MOK: variants seen among roughly 807,000 people sequenced by gnomAD.
MOK encodes MAPK/MAK/MRK overlapping kinase.
A neutral mutation model predicts 54.2 loss-of-function variants in MOK; 59 were observed. The observed-to-expected ratio is 1.09, with a 90% CI of 0.88 to 1.35. The LOEUF is 1.35. Ranked by LOEUF, MOK falls within the 40% of genes most tolerant of loss-of-function variation. MOK has a pLI of 0.00. For synonymous variants in MOK, 210 were observed against 202.7 expected, an observed-to-expected ratio of 1.04 and a Z score of -0.31; for missense variants, 517 against 526.2, an observed-to-expected ratio of 0.98 and a Z score of 0.17.
rs944596704 is a variant in MOK, at chr14:102,232,323, C to T, written c.866+212G>A. On this transcript the variant is annotated intron_variant, in intron 9 of 11. Transcript: ENST00000361847. This position sits in a 1 kb window ranked among gnomAD's most constrained non-coding sequence, Gnocchi z 5.1. The stretch of plus-strand genomic sequence containing the variant: ...GACAGCCAGCCCCTCTTTCTCCTGC[C>T]GTGGAGCTGCTAACATCCTCATTTT... 32 of 499,392 alleles carry T rather than the reference C, an allele frequency of 6.4e-5. No homozygotes were observed. In the South Asian group the frequency reaches 8.8e-4, roughly 14 times the overall value. The allele number at this position is 499,392 out of a possible 1,614,324, so 30.9% of individuals were successfully genotyped here. A position where few individuals can be genotyped will look rare whatever the true frequency, so the allele number is the denominator to read the frequency against.
intron 1 of MOK, among the ~76,000 whole-genome samples, chr14:102,289,873 A>G: frequency 6.6e-6 from 1 of 152,206 alleles, no homozygotes; most frequent in Non-Finnish European, 1.5e-5. Flanking sequence ...AAGGAGATTT[A>G]CTGGTCCTTA....
chr14:102,265,233 C>CA (rs1435484719), intron 3 of MOK, among the ~76,000 whole-genome samples: 11 of 152,236 alleles, frequency 7.2e-5, no homozygotes, highest in African/African-American at 2.7e-4. Context: ...AATTCACACT[C>CA]AAGACCTTAG....
At position 102,232,834 on chromosome 14, in the gene MOK, C is replaced by T. The variant is rs917635418; in HGVS notation, c.693-126G>A. ...ATGACTGCAGAGTCTACACCTGTCC[C>T]AGCCCACAGAACGTGCACCACCAAG... is the stretch of plus-strand genomic sequence containing the variant. On this transcript the variant is annotated intron_variant, in intron 8 of 11. Transcript: ENST00000361847. The surrounding 1 kb of genome is among the most constrained non-coding windows in gnomAD (Gnocchi z 5.1). 5 of 782,080 alleles carry T rather than the reference C, an allele frequency of 6.4e-6. No homozygotes were observed. Among genetic ancestry groups the T allele is most frequent in the Non-Finnish European group, 8.0e-6 (4 of 501,882 alleles). 48.4% of individuals were successfully genotyped at this position (782,080 alleles called of 1,614,324 possible).
At chr14:102,219,144 T>A in the MOK span, among the ~76,000 whole-genome samples, 1 of 152,178 alleles carries the variant, frequency 6.6e-6, no homozygotes, top group Non-Finnish European at 1.5e-5. Context: ...GGGGCCTAGG[T>A]GTCTGTTTCT....
rs1186223605 is a variant in MOK at position 102,231,810 on chromosome 14, T to C, written c.878A>G (p.Lys293Arg). 6.2e-7 allele frequency: 1 copy of C among 1,611,266 alleles called. No individual in the cohort carries two copies. ...PYFQEQRKTE[K>R]RALGSHRKAG... ...TTTTCTGTGGCTGCCCAGAGCCCGC[T>C]TCTCTGTTTTCCTACGGGGAAGGAG... is the stretch of plus-strand genomic sequence containing the variant. The change falls in exon 10 of 12, where the codon AAG becomes AGG. Residue 293 changes from lysine (K) to arginine (R), a missense_variant. Lys to Arg is a conservative substitution (Grantham distance 26, BLOSUM62 2). Coordinates refer to ENST00000361847, the MANE Select transcript of MOK (RefSeq NM_014226.3). The surrounding 1 kb of genome is among the most constrained non-coding windows in gnomAD (Gnocchi z 4.4).
At position 102,251,067 on chromosome 14, in the gene MOK, T is replaced by G. The variant is rs375258661; in HGVS notation, c.412-77A>C. 9.5e-5 allele frequency: 140 copies of G among 1,472,592 alleles called. 2 individuals carry two copies. The Middle Eastern group carries it at 1.4e-3, about 15-fold the overall frequency. The allele number at this position is 1,472,592 out of a possible 1,614,324, so 91.2% of individuals were successfully genotyped here. A position where few individuals can be genotyped will look rare whatever the true frequency, so the allele number is the denominator to read the frequency against. On this transcript the variant is annotated intron_variant, in intron 6 of 11. Coordinates refer to ENST00000361847, the MANE Select transcript of MOK (RefSeq NM_014226.3). ...TAATACAAACCACTCCAAATATTTA[T>G]GCACCAGCAGGAAAATTACTAGCAT...
At position 102,255,273 on chromosome 14, in the gene MOK, G is replaced by A. The variant is rs1179228555; in HGVS notation, c.284-3278C>T. Among the ~76,000 whole-genome samples, 4 of 152,230 alleles carry A rather than the reference G, an allele frequency of 2.6e-5. No homozygotes were observed. In the South Asian group the frequency reaches 6.2e-4, roughly 24 times the overall value. The stretch of plus-strand genomic sequence containing the variant: ...GCGGAGCTTGCAGTGAGCTGAGATC[G>A]TGCCACTGTACTCCAGCCTGGGTGA... On this transcript the variant is annotated intron_variant, in intron 4 of 11. Transcript: ENST00000361847.
chr14:102,220,676 T>C (rs2063778047), downstream of MOK, among the ~76,000 whole-genome samples: 2 of 144,482 alleles, frequency 1.4e-5, no homozygotes, highest in Admixed American at 7.3e-5. The surrounding 1 kb of genome is among the most constrained non-coding windows in gnomAD (Gnocchi z 4.2). Context: ...GCCAAGATCG[T>C]GCCACTGCAC....
chr14:102,216,826 A>G, the MOK span, among the ~76,000 whole-genome samples: 1 of 152,194 alleles, frequency 6.6e-6, no homozygotes, highest in South Asian at 2.1e-4. Flanking sequence ...GCTACTCGGA[A>G]GGCTGAGGCA....
chr14:102,214,975 A>C, the MOK span: 2 of 985,232 alleles, frequency 2.0e-6, no homozygotes, highest in African/African-American at 3.5e-5. Context: ...GTATACTGAC[A>C]TTAAATAAAC....
chr14:102,283,552 A>G lies in MOK; in HGVS notation c.48T>C (p.Ser16=), dbSNP rs912008641. Residue 16 remains serine, a synonymous_variant, in exon 2 of 12, where the codon TCT becomes TCC. Transcript: ENST00000361847. The part of the protein sequence containing the change: ...AIGKIGEGTF[S]EVMKMQSLRD... ...TCAGGCTTTGCATCTTCATAACTTC[A>G]GAAAACGTTCCCTCTCCTATTTTGC... is the stretch of plus-strand genomic sequence containing the variant. 1.9e-6 allele frequency: 3 copies of G among 1,613,556 alleles called. No homozygotes were observed. The African/African-American group carries it at 4.0e-5, about 22-fold the overall frequency.
chr14:102,225,511 CT>C (rs916673974), downstream of MOK: 3 of 152,286 alleles, frequency 2.0e-5, no homozygotes, highest in Admixed American at 6.6e-5. Context: ...GTGTCCAAAA[CT>C]TTTGTTGGCC....
intron 4 of MOK, among the ~76,000 whole-genome samples, chr14:102,253,585 C>T (rs1242722331): frequency 2.0e-5 from 3 of 152,182 alleles, no homozygotes; most frequent in Non-Finnish European, 4.4e-5. Context: ...CAGGAGAGGC[C>T]GTTTAGCGTG....
intron 2 of MOK, among the ~76,000 whole-genome samples, chr14:102,271,827 G>A (rs1179585513): frequency 3.9e-5 from 6 of 152,026 alleles, no homozygotes; most frequent in Non-Finnish European, 4.4e-5. Context: ...TCAAAGTGCT[G>A]GGAATACAGG....
chr14:102,261,121 G>T (rs950350660), intron 4 of MOK, among the ~76,000 whole-genome samples: 2 of 151,490 alleles, frequency 1.3e-5, no homozygotes, highest in East Asian at 2.0e-4. Flanking sequence ...GCTGGGCGTG[G>T]TGGCATGCAC....
At chr14:102,221,005 A>C (rs1221955694), downstream of MOK, among the ~76,000 whole-genome samples, 1 of 152,144 alleles carries the variant, frequency 6.6e-6, no homozygotes, top group Non-Finnish European at 1.5e-5. This position sits in a 1 kb window ranked among gnomAD's most constrained non-coding sequence, Gnocchi z 4.8. Flanking sequence ...GGGCTCAAGT[A>C]ATCTCCCCAC....
intron 2 of MOK, among the ~76,000 whole-genome samples, chr14:102,280,180 T>C (rs777376286): frequency 2.2e-4 from 34 of 151,910 alleles, no homozygotes; most frequent in Non-Finnish European, 3.8e-4. Context: ...ATACCAAAAG[T>C]GCCTGGTCCA....
intron 1 of MOK, among the ~76,000 whole-genome samples, chr14:102,286,515 G>A (rs1457937923): frequency 6.6e-6 from 1 of 151,856 alleles, no homozygotes; most frequent in Non-Finnish European, 1.5e-5. Flanking sequence ...GGAGGCTGAA[G>A]TGGGAGAACC....
chr14:102,302,350 G>C lies in MOK; in HGVS notation c.7+2612C>G, dbSNP rs201283336. On this transcript the variant is annotated intron_variant, in intron 1 of 11. Coordinates refer to ENST00000361847, the MANE Select transcript of MOK (RefSeq NM_014226.3). Reference sequence around the variant, plus strand: ...AGCCTCTCAAAGTGCTGGGATTACAGGCGTGAGCCACTGCACCCGGCCCAC... The same window carrying C: ...AGCCTCTCAAAGTGCTGGGATTACACGCGTGAGCCACTGCACCCGGCCCAC... Among the ~76,000 whole-genome samples, 80 of 152,182 alleles carry C rather than the reference G, an allele frequency of 5.3e-4. 1 individual carries two copies. The East Asian group carries it at 0.013, about 24-fold the overall frequency.
Sources: gnomAD v4.1 joint callset for allele counts (sites outside exome capture counted in the v4.1 genomes callset) on GRCh38, gnomAD v4.1.1 for gene constraint, Gnocchi (gnomAD v3.1) non-coding constraint, MANE v1.5 for transcripts, NCBI Gene and HGNC (gene_info 2026-07-23, HGNC 2026-07-21) for gene names.